DMD: variants seen among roughly 807,000 people sequenced by gnomAD.
The protein encoded by DMD is mutant dystrophin.
In DMD, 63 loss-of-function variants were observed where a neutral mutation model predicts 330.1. The observed-to-expected ratio is 0.19, with a 90% CI of 0.16 to 0.24. The LOEUF (loss-of-function observed/expected upper bound fraction) is 0.24. DMD is among the 10% of genes least tolerant of loss of function. The pLI is 1.00. For missense variants in DMD, 3,344 were observed against 2,684.1 expected, an observed-to-expected ratio of 1.25 and a Z score of -5.43; for synonymous variants, 1,223 against 959.8, an observed-to-expected ratio of 1.27 and a Z score of -5.07.
intron 48 of DMD, among the ~76,000 whole-genome samples, chrX:31,851,405 T>C (rs1405566587): frequency 8.9e-6 from 1 of 112,256 alleles, no homozygotes; most frequent in Non-Finnish European, 1.9e-5. Context: ...AGATATAATC[T>C]ACTAAGCTGC....
chrX:32,286,251 C>A (rs898561100), intron 43 of DMD, among the ~76,000 whole-genome samples: 1 of 111,510 alleles, frequency 9.0e-6, no homozygotes, highest in Non-Finnish European at 1.9e-5. Context: ...ATATTCTACA[C>A]GGTAGCCACC....
intron 1 of DMD, among the ~76,000 whole-genome samples, chrX:33,119,240 A>T (rs929447105): frequency 1.8e-5 from 2 of 111,525 alleles, no homozygotes; most frequent in African/African-American, 3.3e-5. Flanking sequence ...TATATGTTTT[A>T]TATATATATA....
Position 33,211,382 on chromosome X carries a change from G to A in DMD, c.-70C>T, listed in dbSNP as rs2051906415. The A allele has an allele frequency of 1.6e-5, 19 of 1,188,089 alleles. No individual in the cohort carries two copies. The highest frequency in any genetic ancestry group is 1.4e-4 in the Admixed American group (6 of 43,031). ...AAGTTCTTCAAACTTTATTGCTCCA[G>A]TAGGCTTAAAAACAATGAGAAACCA... On this transcript the variant is annotated 5_prime_UTR_variant, in exon 1 of 79. Coordinates refer to ENST00000357033, the MANE Select transcript of DMD (RefSeq NM_004006.3).
intron 2 of DMD, among the ~76,000 whole-genome samples, chrX:33,007,415 T>C (rs749622356): frequency 1.8e-5 from 2 of 111,332 alleles, no homozygotes; most frequent in South Asian, 3.8e-4. Context: ...TTCAGGTTTT[T>C]TGTATGCCTC....
chrX:32,603,083 G>C (rs1311597393), intron 12 of DMD, among the ~76,000 whole-genome samples: 1 of 110,792 alleles, frequency 9.0e-6, no homozygotes, highest in Non-Finnish European at 1.9e-5. Context: ...TCTGCACGTG[G>C]ATCATTATCA....
At chrX:32,607,640 C>T (rs1293758428) in intron 12 of DMD, among the ~76,000 whole-genome samples, 1 of 110,133 alleles carries the variant, frequency 9.1e-6, no homozygotes, top group Non-Finnish European at 1.9e-5. Context: ...TATATTTTAA[C>T]ACGGGATTGG....
chrX:32,661,332 C>G (rs1347739908), intron 9 of DMD, among the ~76,000 whole-genome samples: 1 of 110,476 alleles, frequency 9.1e-6, no homozygotes, highest in Non-Finnish European at 1.9e-5. Flanking sequence ...AAGCACTCCA[C>G]TAAATCATCT....
At chrX:32,112,295 A>T (rs777528359) in intron 44 of DMD, among the ~76,000 whole-genome samples, 1 of 112,098 alleles carries the variant, frequency 8.9e-6, no homozygotes, top group Non-Finnish European at 1.9e-5. Flanking sequence ...AATGTTTCTG[A>T]TCAAGCAGGT....
At chrX:31,159,715 A>C (rs1279280901) in intron 74 of DMD, among the ~76,000 whole-genome samples, 3 of 111,571 alleles carry the variant, frequency 2.7e-5, no homozygotes, top group Non-Finnish European at 5.6e-5. Context: ...CTTCAGACCT[A>C]TCTCTCCAAC....
intron 30 of DMD, among the ~76,000 whole-genome samples, chrX:32,400,483 A>G (rs781333965): frequency 1.8e-5 from 2 of 110,881 alleles, no homozygotes; most frequent in South Asian, 7.5e-4. Context: ...AAAATGAGTT[A>G]GGGAGGATTC....
intron 44 of DMD, among the ~76,000 whole-genome samples, chrX:32,087,082 T>G (rs2096444533): frequency 3.6e-5 from 4 of 111,750 alleles, no homozygotes. Context: ...CACCACTCCC[T>G]TTCTAATGAC....
intron 11 of DMD, among the ~76,000 whole-genome samples, chrX:32,615,701 G>A (rs747442720): frequency 8.1e-5 from 9 of 111,056 alleles, no homozygotes; most frequent in Non-Finnish European, 1.7e-4. Flanking sequence ...AGCTGAGAGT[G>A]TTTTTTAACA....
At chrX:32,584,631 C>G (rs1353628792) in intron 13 of DMD, among the ~76,000 whole-genome samples, 2 of 111,923 alleles carry the variant, frequency 1.8e-5, no homozygotes, top group African/African-American at 6.5e-5. Context: ...GTGAATCTCA[C>G]AAATATAGTA....
At chrX:32,739,399 G>A (rs191934575) in intron 7 of DMD, among the ~76,000 whole-genome samples, 10 of 111,502 alleles carry the variant, frequency 9.0e-5, no homozygotes, top group Non-Finnish European at 1.5e-4. Context: ...CTATGAGTGC[G>A]CTTGAAAACA....
chrX:31,466,982 T>C (rs1043260782), intron 59 of DMD, among the ~76,000 whole-genome samples: 1 of 111,965 alleles, frequency 8.9e-6, no homozygotes, highest in Non-Finnish European at 1.9e-5. Flanking sequence ...TATTGGCGTA[T>C]AGGAATGCTT....
At chrX:32,385,560 TA>T (rs1182509395) in intron 33 of DMD, among the ~76,000 whole-genome samples, 1 of 110,514 alleles carries the variant, frequency 9.0e-6, no homozygotes, top group East Asian at 2.8e-4. Context: ...CGCATCAACC[TA>T]AAAAGCTTCT....
chrX:31,236,595 C>A (rs1200952129), intron 63 of DMD, among the ~76,000 whole-genome samples: 1 of 112,289 alleles, frequency 8.9e-6, no homozygotes, highest in Non-Finnish European at 1.9e-5. Flanking sequence ...TAGACAAAGT[C>A]TGCAAAGTGT....
intron 30 of DMD, among the ~76,000 whole-genome samples, chrX:32,403,518 G>A (rs2098099213): frequency 8.9e-6 from 1 of 111,771 alleles, no homozygotes; most frequent in Non-Finnish European, 1.9e-5. Context: ...TATAGCCAGT[G>A]AGGACATAAT....
intron 55 of DMD, among the ~76,000 whole-genome samples, chrX:31,538,591 T>C (rs990001984): frequency 1.8e-5 from 2 of 112,275 alleles, no homozygotes; most frequent in Non-Finnish European, 3.8e-5. Flanking sequence ...TTTTGTATTA[T>C]TGATTTATAT....
Sources: gnomAD v4.1 joint callset for allele counts (sites outside exome capture counted in the v4.1 genomes callset) on GRCh38, gnomAD v4.1.1 for gene constraint, MANE v1.5 for transcripts, NCBI Gene and HGNC (gene_info 2026-07-23, HGNC 2026-07-21) for gene names.